Variants in MKX observed in about 807,000 individuals in gnomAD.
MKX encodes homeobox protein Mohawk.
A neutral mutation model predicts 36.0 loss-of-function variants in MKX; 13 were observed. That is an observed-to-expected ratio of 0.36 (90% confidence interval 0.24 to 0.57). The LOEUF (loss-of-function observed/expected upper bound fraction) is 0.57, where lower values mean the gene tolerates loss of function less well. Among genes scored for constraint, MKX ranks in the 20% least tolerant of loss-of-function variants. The probability of loss-of-function intolerance (pLI) is 0.79; values close to 1 mark genes in which losing one functional copy is unlikely to be tolerated. For synonymous variants in MKX, 176 were observed against 178.3 expected (o/e 0.99, Z 0.10); for missense variants, 458 against 456.4 (o/e 1.00, Z -0.03).
At chr10:27,685,510 A>G (rs564469720) in intron 5 of MKX, among the ~76,000 whole-genome samples, 11 of 143,024 alleles carry the variant, frequency 7.7e-5, no homozygotes, top group East Asian at 6.1e-4. Context: ...GTGCTGTGGC[A>G]CGATCTCGGC....
intron 5 of MKX, chr10:27,718,497 G>T (rs1834296995): frequency 2.8e-6 from 1 of 355,546 alleles, no homozygotes; most frequent in Non-Finnish European, 5.7e-6. Context: ...CAATAATTTT[G>T]CTTGAAGGAA....
chr10:27,673,399 G>T lies in MKX; in HGVS notation c.*1830C>A, dbSNP rs1836084829. ...ACTTTTATTAACATATTTAATACCAGAATAACTTATAATAGTATGAAAAAG... is the reference window on the plus strand; with the variant it reads ...ACTTTTATTAACATATTTAATACCATAATAACTTATAATAGTATGAAAAAG... On this transcript the variant is annotated 3_prime_UTR_variant, in exon 7 of 7. Transcript: ENST00000419761. 6.6e-6 allele frequency: 1 copy of T among 152,430 alleles called. No homozygotes were observed. The highest frequency in any genetic ancestry group is 6.6e-5 in the Admixed American group (1 of 15,256). 9.4% of individuals were successfully genotyped at this position (152,430 alleles called of 1,614,324 possible). A position where few individuals can be genotyped will look rare whatever the true frequency, so the allele number is the denominator to read the frequency against.
chr10:27,709,188 A>ATAAC (rs34606645), intron 5 of MKX, among the ~76,000 whole-genome samples: 1 of 151,802 alleles, frequency 6.6e-6, no homozygotes, highest in Admixed American at 6.6e-5. Flanking sequence ...AAGTAAATAA[A>ATAAC]TAAACAACAA....
intron 5 of MKX, among the ~76,000 whole-genome samples, chr10:27,708,586 G>A (rs989506171): frequency 6.6e-6 from 1 of 152,090 alleles, no homozygotes; most frequent in African/African-American, 2.4e-5. Context: ...AAAATTAGCT[G>A]AGCGTGGTGG....
At chr10:27,706,674 A>G (rs906846046) in intron 5 of MKX, among the ~76,000 whole-genome samples, 1 of 151,736 alleles carries the variant, frequency 6.6e-6, no homozygotes, top group African/African-American at 2.4e-5. Context: ...GCATCTTTTC[A>G]TGTGCTTATT....
chr10:27,743,474 G>T lies in MKX; in HGVS notation c.-59C>A. ...CAGAGCCTCGGGGCTGGGCCGCCGG[G>T]AGCTCCGCAGCGGGGCTCGGCTTCT... On this transcript the variant is annotated 5_prime_UTR_variant, in exon 2 of 7. Transcript: ENST00000419761. 1.4e-6 allele frequency: 2 copies of T among 1,454,974 alleles called. No individual in the cohort carries two copies. Among genetic ancestry groups the T allele is most frequent in the South Asian group, 2.8e-5 (2 of 70,654 alleles). The allele number at this position is 1,454,974 out of a possible 1,614,324, so 90.1% of individuals were successfully genotyped here.
intron 5 of MKX, among the ~76,000 whole-genome samples, chr10:27,727,941 T>C (rs1458638733): frequency 6.6e-6 from 1 of 152,260 alleles, no homozygotes; most frequent in Non-Finnish European, 1.5e-5. Context: ...CTTAGATTTC[T>C]GCTATCTGGA....
Position 27,724,521 on chromosome 10 carries a change from C to T in MKX, c.838+9935G>A, listed in dbSNP as rs79917679. Among the ~76,000 whole-genome samples, 150 of 152,240 alleles carry T rather than the reference C, an allele frequency of 9.9e-4. 2 individuals are homozygous for T. The East Asian group carries it at 0.025, about 26-fold the overall frequency. On this transcript the variant is annotated intron_variant, in intron 5 of 6. Coordinates refer to ENST00000419761, the MANE Select transcript of MKX (RefSeq NM_173576.3). ...AGTTACTGACTCACTTTGGGGAAGA[C>T]TCCAAACTGTTAAAATTAGAGTGGT...
intron 3 of MKX, among the ~76,000 whole-genome samples, chr10:27,736,430 T>C (rs1834779230): frequency 6.6e-6 from 1 of 152,106 alleles, no homozygotes; most frequent in Non-Finnish European, 1.5e-5. Flanking sequence ...AAATTTCTTC[T>C]AAAATACCAG....
rs115584359 is a variant in MKX, at chr10:27,735,669, T to A, written c.349-295A>T. 7.5e-3 allele frequency among the ~76,000 whole-genome samples: 1,136 copies of A among 152,138 alleles called. 14 individuals are homozygous for A. Among genetic ancestry groups the A allele is most frequent in the African/African-American group, 0.026 (1,088 of 41,504 alleles). Reference sequence around the variant, plus strand: ...AGTAGGAGGGTATACAAATAACTAGTATAAGAAAGAATGTGATGAATGGCA... The same window carrying A: ...AGTAGGAGGGTATACAAATAACTAGAATAAGAAAGAATGTGATGAATGGCA... On this transcript the variant is annotated intron_variant, in intron 3 of 6. Transcript: ENST00000419761.
At chr10:27,682,716 C>T (rs1443777634) in intron 5 of MKX, among the ~76,000 whole-genome samples, 1 of 151,782 alleles carries the variant, frequency 6.6e-6, no homozygotes, top group East Asian at 1.9e-4. Context: ...CGCAGTGGCT[C>T]GTGCTTATAA....
intron 5 of MKX, among the ~76,000 whole-genome samples, chr10:27,709,943 C>T (rs1836823553): frequency 6.6e-6 from 1 of 152,180 alleles, no homozygotes; most frequent in Non-Finnish European, 1.5e-5. Context: ...CCAATATATA[C>T]AAAATAGTAT....
intron 3 of MKX, among the ~76,000 whole-genome samples, chr10:27,739,669 T>C (rs758681404): frequency 1.3e-5 from 2 of 152,162 alleles, no homozygotes; most frequent in Non-Finnish European, 2.9e-5. Context: ...TGACAAATGC[T>C]ACTTCATAAT....
chr10:27,675,196 G>A lies in MKX; in HGVS notation c.*33C>T. ...TGAGGGTTGATGAAAACACCGGAAA[G>A]AACATCCATTGGATCTGAAAAGCAA... On this transcript the variant is annotated 3_prime_UTR_variant, in exon 7 of 7. Coordinates refer to ENST00000419761, the MANE Select transcript of MKX (RefSeq NM_173576.3). 1 of 1,598,218 alleles carries A rather than the reference G, an allele frequency of 6.3e-7. No individual in the cohort carries two copies. The highest frequency in any genetic ancestry group is 1.1e-5 in the South Asian group (1 of 88,822).
At chr10:27,684,046 G>A (rs1279874502) in intron 5 of MKX, among the ~76,000 whole-genome samples, 1 of 152,204 alleles carries the variant, frequency 6.6e-6, no homozygotes, top group Non-Finnish European at 1.5e-5. Context: ...GGATACAGCA[G>A]CTTATGCCTG....
At chr10:27,728,003 G>T (rs1044809390) in intron 5 of MKX, among the ~76,000 whole-genome samples, 9 of 152,220 alleles carry the variant, frequency 5.9e-5, no homozygotes, top group African/African-American at 2.2e-4. Flanking sequence ...GTTAGGTAAG[G>T]TACAAGACAA....
intron 5 of MKX, among the ~76,000 whole-genome samples, chr10:27,689,185 G>A (rs1836409600): frequency 6.6e-6 from 1 of 152,164 alleles, no homozygotes; most frequent in African/African-American, 2.4e-5. Flanking sequence ...CTGTCTGACT[G>A]ATTAACACCA....
intron 5 of MKX, among the ~76,000 whole-genome samples, chr10:27,728,188 C>T (rs987293251): frequency 2.0e-5 from 3 of 152,120 alleles, no homozygotes; most frequent in Non-Finnish European, 4.4e-5. Context: ...AAGAAAGTGA[C>T]AGCACAGAAA....
At chr10:27,699,563 T>C (rs1312847910) in intron 5 of MKX, among the ~76,000 whole-genome samples, 4 of 152,192 alleles carry the variant, frequency 2.6e-5, no homozygotes, top group African/African-American at 9.7e-5. Flanking sequence ...AGTTGTAATC[T>C]GTTGAAATGG....
Sources: allele counts gnomAD v4.1 joint callset (sites outside exome capture counted in the v4.1 genomes callset), GRCh38; gene constraint gnomAD v4.1.1; transcripts MANE v1.5; gene names NCBI Gene and HGNC (gene_info 2026-07-23, HGNC 2026-07-21).